ANKRD29: variants seen among roughly 807,000 people sequenced by gnomAD.
The protein encoded by ANKRD29 is ankyrin repeat domain-containing protein 29.
Under a neutral mutation model 38.0 loss-of-function variants are expected in ANKRD29, and 32 were observed. That is an observed-to-expected ratio of 0.84 (90% CI 0.64 to 1.13). The LOEUF (loss-of-function observed/expected upper bound fraction) is 1.13. ANKRD29 is among the 50% of genes most tolerant of loss of function. The pLI is 0.00. For synonymous variants in ANKRD29, 135 were observed against 152.4 expected (o/e 0.89, Z 0.84); for missense variants, 357 against 377.9 (o/e 0.94, Z 0.46).
At chr18:23,651,303 C>A (rs1046745598) in intron 1 of ANKRD29, among the ~76,000 whole-genome samples, 2 of 152,132 alleles carry the variant, frequency 1.3e-5, no homozygotes, top group Admixed American at 6.5e-5. Context: ...CTTTCCTGAC[C>A]GTGTAAATTT....
At chr18:23,641,338 C>T (rs1217958085) in intron 3 of ANKRD29, among the ~76,000 whole-genome samples, 3 of 152,234 alleles carry the variant, frequency 2.0e-5, no homozygotes, top group Non-Finnish European at 4.4e-5. Flanking sequence ...GCCCCCATTA[C>T]CCCCACAGGC....
At position 23,598,926 on chromosome 18, in the gene ANKRD29, T is replaced by C. The variant is rs1229751911; in HGVS notation, c.*2300A>G. The C allele has an allele frequency of 2.0e-5, 3 of 151,974 alleles. No homozygotes were observed. The highest frequency in any genetic ancestry group is 7.3e-5 in the African/African-American group (3 of 41,368). 9.4% of individuals were successfully genotyped at this position (151,974 alleles called of 1,614,324 possible). On this transcript the variant is annotated 3_prime_UTR_variant, in exon 10 of 10. Transcript: ENST00000592179. ...AAAAGAAAAAAGCAGCAAAGGCAAA[T>C]GGGGTAGTATATTAACTTTATTTTG...
chr18:23,630,216 G>A (rs1335221755), intron 5 of ANKRD29, among the ~76,000 whole-genome samples: 2 of 152,194 alleles, frequency 1.3e-5, no homozygotes, highest in Non-Finnish European at 2.9e-5. Flanking sequence ...CCTGACATCC[G>A]GAGTTCGAGA....
intron 1 of ANKRD29, among the ~76,000 whole-genome samples, chr18:23,658,858 T>A (rs1473360058): frequency 6.6e-6 from 1 of 152,228 alleles, no homozygotes; most frequent in African/African-American, 2.4e-5. Context: ...GGTGGCCATC[T>A]GTAAGTCAGG....
chr18:23,662,685 T>C lies in ANKRD29; in HGVS notation c.21+25A>G, dbSNP rs1217560825. Reference sequence around the variant, plus strand: ...GGCCGCCCGAGCCCGGCCCCAGCCCTGACCCCGGAGTCCCGGTCGCTCACC... The same window carrying C: ...GGCCGCCCGAGCCCGGCCCCAGCCCCGACCCCGGAGTCCCGGTCGCTCACC... On this transcript the variant is annotated intron_variant, in intron 1 of 9. Coordinates refer to ENST00000592179, the MANE Select transcript of ANKRD29 (RefSeq NM_173505.4). The C allele has an allele frequency of 2.3e-6, 3 of 1,299,874 alleles. No individual in the cohort carries two copies. The South Asian group carries it at 4.1e-5, about 18-fold the overall frequency. The allele number at this position is 1,299,874 out of a possible 1,614,324, so 80.5% of individuals were successfully genotyped here.
chr18:23,649,542 G>A (rs1264703249), intron 1 of ANKRD29: 1 of 509,530 alleles, frequency 2.0e-6, no homozygotes, highest in Non-Finnish European at 3.8e-6. Flanking sequence ...CCAAGGCTCT[G>A]CTCGAATGCT....
chr18:23,645,886 A>C (rs189461268), intron 3 of ANKRD29, among the ~76,000 whole-genome samples: 1 of 152,166 alleles, frequency 6.6e-6, no homozygotes, highest in African/African-American at 2.4e-5. Flanking sequence ...TAAATCCTAC[A>C]GTATCTCATC....
At chr18:23,621,322 G>A (rs1401587432) in intron 6 of ANKRD29, among the ~76,000 whole-genome samples, 1 of 152,146 alleles carries the variant, frequency 6.6e-6, no homozygotes, top group Non-Finnish European at 1.5e-5. Flanking sequence ...CAAGATTGTT[G>A]CCCACTGCTG....
intron 6 of ANKRD29, among the ~76,000 whole-genome samples, chr18:23,625,662 A>AGTTTTGCAGGGATTATTTT (rs2059853631): frequency 6.6e-6 from 1 of 152,144 alleles, no homozygotes; most frequent in African/African-American, 2.4e-5. Context: ...CTGCATTAAG[A>AGTTTTGCAGGGATTATTTT]GTTTTGCAGG....
chr18:23,634,283 T>G (rs7244042), intron 4 of ANKRD29, 134 bp from the exon 5 acceptor site: 7,352 of 102,940 alleles, frequency 0.071, 220 homozygotes, highest in African/African-American at 0.17. Context: ...TCCCTGTTTT[T>G]TTTTTTTTTT....
intron 1 of ANKRD29, among the ~76,000 whole-genome samples, chr18:23,657,155 G>C (rs1035639351): frequency 6.6e-6 from 1 of 152,160 alleles, no homozygotes; most frequent in Non-Finnish European, 1.5e-5. Flanking sequence ...CCACCTGATC[G>C]TTCTTCCTTA....
chr18:23,633,642 C>G (rs1407390678), intron 5 of ANKRD29, among the ~76,000 whole-genome samples: 1 of 152,148 alleles, frequency 6.6e-6, no homozygotes, highest in African/African-American at 2.4e-5. Flanking sequence ...GTGATCTCAG[C>G]TCACCGCAAC....
intron 5 of ANKRD29, among the ~76,000 whole-genome samples, chr18:23,633,586 T>G (rs890494551): frequency 1.3e-5 from 2 of 152,114 alleles, no homozygotes; most frequent in Admixed American, 1.3e-4. Flanking sequence ...TTTTTGTCGG[T>G]GGGGGACAGA....
intron 7 of ANKRD29, 149 bp from the exon 8 acceptor site, chr18:23,617,976 A>G (rs2059746167): frequency 3.3e-6 from 2 of 601,424 alleles, no homozygotes; most frequent in East Asian, 5.6e-5. Flanking sequence ...ATCTAGGAGC[A>G]TTTTAGAGAA....
chr18:23,639,206 T>C (rs2060041282), intron 3 of ANKRD29, among the ~76,000 whole-genome samples: 1 of 152,160 alleles, frequency 6.6e-6, no homozygotes, highest in Non-Finnish European at 1.5e-5. Flanking sequence ...TTACCTTCTA[T>C]GGCAAAAGAC....
intron 9 of ANKRD29, among the ~76,000 whole-genome samples, chr18:23,605,120 C>T (rs1255812488): frequency 6.6e-6 from 1 of 152,050 alleles, no homozygotes; most frequent in Non-Finnish European, 1.5e-5. Flanking sequence ...GGGGTTTCGC[C>T]ATGTTGGACA....
chr18:23,610,340 T>C (rs2059625594), intron 9 of ANKRD29, among the ~76,000 whole-genome samples: 1 of 152,158 alleles, frequency 6.6e-6, no homozygotes, highest in African/African-American at 2.4e-5. Context: ...TAGCTGGGCA[T>C]GATGGTGCAC....
chr18:23,643,362 T>C (rs981235907), intron 3 of ANKRD29, among the ~76,000 whole-genome samples: 5 of 152,342 alleles, frequency 3.3e-5, no homozygotes, highest in Admixed American at 6.5e-5. Flanking sequence ...AGGGAATTAA[T>C]AGTTCTGGAG....
intron 3 of ANKRD29, 80 bp downstream of exon 3, chr18:23,646,109 C>A (rs1435904294): frequency 2.1e-5 from 27 of 1,297,266 alleles, no homozygotes; most frequent in Non-Finnish European, 2.9e-5. Context: ...TGGCTCTTGT[C>A]CCCCATACCA....
Sources: gnomAD v4.1 joint callset for allele counts (sites outside exome capture counted in the v4.1 genomes callset) on GRCh38, gnomAD v4.1.1 for gene constraint, MANE v1.5 for transcripts, NCBI Gene and HGNC (gene_info 2026-07-23, HGNC 2026-07-21) for gene names.